Variants in A1CF observed in about 807,000 individuals in gnomAD.
A1CF encodes APOBEC1 complementation factor, also known as APOBEC-1 stimulating protein.
A neutral mutation model predicts 68.9 loss-of-function variants in A1CF; 48 were observed. The observed-to-expected ratio is 0.70, with a 90% CI of 0.55 to 0.89. The LOEUF is 0.89. Ranked by LOEUF, A1CF falls within the 40% of genes least tolerant of loss-of-function variation. A1CF has a pLI of 0.00. For missense variants in A1CF, 653 were observed against 718.9 expected, an observed-to-expected ratio of 0.91 and a Z score of 1.05; for synonymous variants, 272 against 260.4, an observed-to-expected ratio of 1.04 and a Z score of -0.43.
intron 5 of A1CF, among the ~76,000 whole-genome samples, chr10:50,840,100 G>A (rs573485666): frequency 1.1e-4 from 17 of 152,052 alleles, no homozygotes; most frequent in Non-Finnish European, 1.3e-4. Flanking sequence ...TAAGGATAAT[G>A]TATGACTTCT....
rs185148617 is a variant in A1CF, at chr10:50,861,260, C to T, written c.-45-1275G>A. 2.6e-5 allele frequency among the ~76,000 whole-genome samples: 4 copies of T among 150,974 alleles called. No individual in the cohort carries two copies. In the East Asian group the frequency reaches 7.8e-4, roughly 29 times the overall value. On this transcript the variant is annotated intron_variant, in intron 2 of 12. Transcript: ENST00000373997. ...ATAACAGAATAGTAATAGAATATTA[C>T]TAACAATAGCAATATTACTAAGACT...
At chr10:50,872,550 C>T (rs984659098) in intron 1 of A1CF, among the ~76,000 whole-genome samples, 1 of 152,078 alleles carries the variant, frequency 6.6e-6, no homozygotes, top group Non-Finnish European at 1.5e-5. Flanking sequence ...TCTACCCTGC[C>T]TGCCTTAAAG....
chr10:50,836,125 C>A lies in A1CF; in HGVS notation c.553G>T (p.Glu185Ter), dbSNP rs1485935680. 6.2e-7 allele frequency: 1 copy of A among 1,614,006 alleles called. No homozygotes were observed. Among genetic ancestry groups the A allele is most frequent in the South Asian group, 1.1e-5 (1 of 91,062 alleles). The change falls in exon 6 of 13, where the codon GAG (glutamate) becomes TAG (stop). Residue 185 changes from glutamate (E) to a stop codon, truncating the protein, a stop_gained. Transcript: ENST00000373997. LOFTEE classifies it high-confidence loss of function. Reference sequence around the variant, plus strand: ...GCAGCTGCTCGATGACTCTCATACTCCACGAAGGCAAAGCCTCGGTTTTTG... The same window carrying A: ...GCAGCTGCTCGATGACTCTCATACTACACGAAGGCAAAGCCTCGGTTTTTG... ...KTKNRGFAFV[E>*]YESHRAAAMA...
chr10:50,827,441 C>G (rs1415655401), intron 7 of A1CF, among the ~76,000 whole-genome samples: 1 of 152,160 alleles, frequency 6.6e-6, no homozygotes, highest in African/African-American at 2.4e-5. Flanking sequence ...GTCTCTCAGA[C>G]CACAGTGCAA....
At chr10:50,820,500 C>A in intron 8 of A1CF, 52 bp downstream of exon 8, 1 of 1,521,552 alleles carries the variant, frequency 6.6e-7, no homozygotes, top group Non-Finnish European at 9.0e-7. Context: ...GATGTAATAT[C>A]CACACCAAAC....
intron 5 of A1CF, among the ~76,000 whole-genome samples, 186 bp downstream of exon 5, chr10:50,841,676 T>C (rs1038856411): frequency 6.6e-6 from 1 of 152,232 alleles, no homozygotes; most frequent in African/African-American, 2.4e-5. Context: ...CTTAGTTTGG[T>C]ATTCATATAG....
intron 8 of A1CF, among the ~76,000 whole-genome samples, chr10:50,817,099 G>T (rs980022190): frequency 6.6e-6 from 1 of 152,166 alleles, no homozygotes; most frequent in Admixed American, 6.6e-5. Flanking sequence ...GATAATGGAT[G>T]TATGTAGATC....
chr10:50,828,348 C>T (rs1471040053), intron 6 of A1CF, 53 bp from the exon 7 acceptor site: 4 of 1,383,314 alleles, frequency 2.9e-6, no homozygotes, highest in Non-Finnish European at 3.9e-6. Context: ...AGGACAACAT[C>T]ATCTCAATTT....
chr10:50,870,176 C>T (rs1206202604), intron 1 of A1CF, among the ~76,000 whole-genome samples: 1 of 151,846 alleles, frequency 6.6e-6, no homozygotes, highest in East Asian at 1.9e-4. Context: ...AAATCATTTT[C>T]TCTAGCTATT....
intron 2 of A1CF, among the ~76,000 whole-genome samples, chr10:50,863,577 G>A (rs1448444880): frequency 6.6e-6 from 1 of 152,136 alleles, no homozygotes; most frequent in African/African-American, 2.4e-5. Context: ...GGATGTAGAT[G>A]AGAAAAAATA....
chr10:50,831,334 G>GA (rs575004156), intron 6 of A1CF, among the ~76,000 whole-genome samples: 6 of 152,036 alleles, frequency 3.9e-5, no homozygotes, highest in Non-Finnish European at 8.8e-5. Flanking sequence ...TAAGGAATGG[G>GA]AAAAAAATAT....
Position 50,799,906 on chromosome 10 carries a change from A to C in A1CF, c.*6823T>G, listed in dbSNP as rs903335631. On this transcript the variant is annotated 3_prime_UTR_variant, in exon 13 of 13. Transcript: ENST00000373997. Reference sequence around the variant, plus strand: ...TGAAGGAATAAGAATAAAAATTCCAATGGTTACATTAAATATTTAAACCAG... The same window carrying C: ...TGAAGGAATAAGAATAAAAATTCCACTGGTTACATTAAATATTTAAACCAG... 1 of 152,144 alleles carries C rather than the reference A, an allele frequency of 6.6e-6. No individual in the cohort carries two copies. The highest frequency in any genetic ancestry group is 1.5e-5 in the Non-Finnish European group (1 of 67,978). The allele number at this position is 152,144 out of a possible 1,614,324, so 9.4% of individuals were successfully genotyped here. A position where few individuals can be genotyped will look rare whatever the true frequency, so the allele number is the denominator to read the frequency against.
In A1CF at chr10:50,831,677, A is replaced by G. The variant is rs371023827; in HGVS notation, c.605-3382T>C. On this transcript the variant is annotated intron_variant, in intron 6 of 12. Transcript: ENST00000373997. ...CGGGAGGCAGAGGTTGCAGTGAGCC[A>G]AGATCATGCCATTGCACTCTAGCCT... Among the ~76,000 whole-genome samples, 3 of 152,192 alleles carry G rather than the reference A, an allele frequency of 2.0e-5. No homozygotes were observed. In the East Asian group the frequency reaches 5.8e-4, roughly 29 times the overall value.
intron 12 of A1CF, 54 bp from the exon 13 acceptor site, chr10:50,806,934 T>G (rs1229533547): frequency 6.5e-7 from 1 of 1,546,398 alleles, no homozygotes; most frequent in Non-Finnish European, 8.8e-7. Flanking sequence ...TTGCTCCCTT[T>G]TGGCTTATTT....
chr10:50,856,941 A>T (rs1035888876), intron 3 of A1CF, among the ~76,000 whole-genome samples: 1 of 152,170 alleles, frequency 6.6e-6, no homozygotes, highest in African/African-American at 2.4e-5. Flanking sequence ...TTTCTCTATC[A>T]GATAAATGTC....
intron 12 of A1CF, 79 bp from the exon 13 acceptor site, chr10:50,806,959 A>G (rs1003055404): frequency 7.0e-7 from 1 of 1,426,680 alleles, no homozygotes; most frequent in South Asian, 1.3e-5. Flanking sequence ...TCTTTTAGAA[A>G]TACGAACATT....
chr10:50,877,560 A>G (rs1841569224), intron 1 of A1CF, among the ~76,000 whole-genome samples: 1 of 152,260 alleles, frequency 6.6e-6, no homozygotes, highest in African/African-American at 2.4e-5. Flanking sequence ...GACACTTGTA[A>G]GGAAAGATAG....
chr10:50,870,713 T>TC (rs544761950), intron 1 of A1CF, among the ~76,000 whole-genome samples: 86 of 151,972 alleles, frequency 5.7e-4, no homozygotes, highest in African/African-American at 2.0e-3. Context: ...AGCAAATTAT[T>TC]CCTTTGCCAT....
rs536163752 is a variant in A1CF, at chr10:50,814,190, T to A, written c.1142-152A>T. On this transcript the variant is annotated intron_variant, in intron 9 of 12. Coordinates refer to ENST00000373997, the MANE Select transcript of A1CF (RefSeq NM_014576.4). ...TGAAGATGGGTGGGAGACTCTAGGATTCTAATGTAATGAAACTCAACATAA... is the reference window on the plus strand; with the variant it reads ...TGAAGATGGGTGGGAGACTCTAGGAATCTAATGTAATGAAACTCAACATAA... The A allele has an allele frequency of 1.6e-4, 120 of 751,832 alleles. No homozygotes were observed. The African/African-American group carries it at 1.8e-3, about 11-fold the overall frequency. The allele number at this position is 751,832 out of a possible 1,614,324, so 46.6% of individuals were successfully genotyped here.
Sources: allele counts gnomAD v4.1 joint callset (sites outside exome capture counted in the v4.1 genomes callset), GRCh38; gene constraint gnomAD v4.1.1; transcripts MANE v1.5; gene names NCBI Gene and HGNC (gene_info 2026-07-23, HGNC 2026-07-21).